The following SCAP variants were observed in gnomAD, a reference collection of about 807,000 sequenced individuals.
The protein encoded by SCAP is sterol regulatory element-binding protein cleavage-activating protein.
SCAP carries 65 observed loss-of-function variants against 123.6 expected under a neutral mutation model. The observed-to-expected ratio is 0.53, with a 90% CI of 0.43 to 0.65. The LOEUF is 0.65. SCAP is among the 30% of genes least tolerant of loss of function. The probability of loss-of-function intolerance (pLI) is 0.00; values close to 1 mark genes in which losing one functional copy is unlikely to be tolerated. For synonymous variants in SCAP, 740 were observed against 726.3 expected (o/e 1.02, Z -0.30); for missense variants, 1,398 against 1,712.5 (o/e 0.82, Z 3.24).
intron 1 of SCAP, among the ~76,000 whole-genome samples, chr3:47,466,023 C>G (rs562408698): frequency 6.6e-6 from 1 of 151,162 alleles, no homozygotes; most frequent in Non-Finnish European, 1.5e-5. Context: ...ATATCAACTA[C>G]TCAGGAGGCT....
chr3:47,449,307 G>C (rs1413999623), intron 1 of SCAP, among the ~76,000 whole-genome samples: 1 of 123,340 alleles, frequency 8.1e-6, no homozygotes, highest in Non-Finnish European at 1.8e-5. Flanking sequence ...AGATCCCAAG[G>C]GCCCCTTTCC....
intron 1 of SCAP, among the ~76,000 whole-genome samples, chr3:47,444,339 T>C (rs137941299): frequency 1.3e-5 from 2 of 152,246 alleles, no homozygotes; most frequent in Admixed American, 6.5e-5. Context: ...TGACTCCTCA[T>C]AAGTGTCAAG....
At chr3:47,440,719 A>AG (rs1212436870) in intron 2 of SCAP, among the ~76,000 whole-genome samples, 1 of 152,046 alleles carries the variant, frequency 6.6e-6, no homozygotes, top group African/African-American at 2.4e-5. Flanking sequence ...AAATACAAAA[A>AG]ATTAGTGGTG....
At chr3:47,450,903 T>C (rs1230025749) in intron 1 of SCAP, among the ~76,000 whole-genome samples, 1 of 123,712 alleles carries the variant, frequency 8.1e-6, no homozygotes, top group Non-Finnish European at 1.8e-5. Context: ...CAGGCTGGGG[T>C]ACAGTGGCAC....
intron 7 of SCAP, 119 bp from the exon 8 acceptor site, chr3:47,425,730 G>A (rs1706099502): frequency 1.7e-6 from 2 of 1,149,256 alleles, no homozygotes; most frequent in Admixed American, 4.4e-5. Context: ...TTCACCAAAG[G>A]AAAGGGACAG....
chr3:47,422,046 T>C (rs1576259033), intron 10 of SCAP, among the ~76,000 whole-genome samples: 1 of 152,262 alleles, frequency 6.6e-6, no homozygotes, highest in East Asian at 1.9e-4. Flanking sequence ...AGGAAGGGTC[T>C]AGGAACCCCA....
chr3:47,425,919 C>T, intron 7 of SCAP, 78 bp downstream of exon 7: 2 of 1,525,468 alleles, frequency 1.3e-6, no homozygotes, highest in South Asian at 2.4e-5. Context: ...AAGCCACCTC[C>T]AGAGCCAGGG....
intron 2 of SCAP, 35 bp downstream of exon 2, chr3:47,442,837 T>C: frequency 1.3e-6 from 2 of 1,595,626 alleles, no homozygotes; most frequent in Non-Finnish European, 1.7e-6. Context: ...CCTAAGACAC[T>C]GGCCCACCAT....
At position 47,439,044 on chromosome 3, in the gene SCAP, G is replaced by GC. The variant is rs1344583397; in HGVS notation, c.122+3827_122+3828insG. Among the ~76,000 whole-genome samples the GC allele has an allele frequency of 1.3e-5, 2 of 152,150 alleles. No homozygotes were observed. The highest frequency in any genetic ancestry group is 4.8e-5 in the African/African-American group (2 of 41,422). ...CTATTCTAAGCACTTGATATGTACA[G>GC]ATACATCTTGACTTACGATGGGGTT... On this transcript the variant is annotated intron_variant, in intron 2 of 22. Coordinates refer to ENST00000265565, the MANE Select transcript of SCAP (RefSeq NM_012235.4). This position sits in a 1 kb window ranked among gnomAD's most constrained non-coding sequence, Gnocchi z 4.0.
intron 1 of SCAP, among the ~76,000 whole-genome samples, chr3:47,475,268 C>T (rs533055979): frequency 2.0e-5 from 3 of 152,290 alleles, no homozygotes; most frequent in African/African-American, 4.8e-5. Flanking sequence ...CGGTTAAATA[C>T]TGAGGTCATA....
At chr3:47,428,701 G>A in intron 3 of SCAP, 31 bp from the exon 4 acceptor site, 1 of 1,610,472 alleles carries the variant, frequency 6.2e-7, no homozygotes, top group Non-Finnish European at 8.5e-7. Context: ...GGCAGAAAGG[G>A]CAGCTGAGCA....
At position 47,450,447 on chromosome 3, in the gene SCAP, AAGG is replaced by A. The variant is rs1162889982; in HGVS notation, c.-98-7359_-98-7357del. On this transcript the variant is annotated intron_variant, in intron 1 of 22. Transcript: ENST00000265565. ...AAAATTATATACAAAAAGTGCACAAAAGGAGAATAGAGGGAAACGTTAGTAGTG... is the reference window on the plus strand; with the variant it reads ...AAAATTATATACAAAAAGTGCACAAAAGAATAGAGGGAAACGTTAGTAGTG... Among the ~76,000 whole-genome samples the A allele has an allele frequency of 2.7e-4, 34 of 124,754 alleles. 10 individuals are homozygous for A. In the Admixed American group the frequency reaches 2.7e-3, roughly 10 times the overall value. 81.8% of individuals were successfully genotyped at this position (124,754 alleles called of 152,430 possible). A position where few individuals can be genotyped will look rare whatever the true frequency, so the allele number is the denominator to read the frequency against.
chr3:47,475,259 G>C (rs117238604), intron 1 of SCAP, among the ~76,000 whole-genome samples: 1 of 152,184 alleles, frequency 6.6e-6, no homozygotes, highest in East Asian at 1.9e-4. Context: ...ATTATAAGCC[G>C]GTTAAATACT....
At chr3:47,447,356 G>C (rs779581415) in intron 1 of SCAP, among the ~76,000 whole-genome samples, 2 of 151,932 alleles carry the variant, frequency 1.3e-5, no homozygotes, top group Non-Finnish European at 2.9e-5. Context: ...TCACGCCACT[G>C]CACTCCAGCC....
intron 2 of SCAP, among the ~76,000 whole-genome samples, chr3:47,437,231 G>C (rs2107881196): frequency 6.6e-6 from 1 of 151,952 alleles, no homozygotes; most frequent in Non-Finnish European, 1.5e-5. Context: ...CCTGAGATCG[G>C]GAGATCGAGA....
chr3:47,429,935 G>A (rs767057163), intron 3 of SCAP, among the ~76,000 whole-genome samples: 5 of 152,156 alleles, frequency 3.3e-5, no homozygotes, highest in Non-Finnish European at 5.9e-5. Context: ...GCAGAGTAGC[G>A]GGTTTTGAAG....
At chr3:47,430,968 T>C (rs1706333389) in intron 3 of SCAP, among the ~76,000 whole-genome samples, 1 of 152,316 alleles carries the variant, frequency 6.6e-6, no homozygotes, top group Non-Finnish European at 1.5e-5. Flanking sequence ...TAATGCCTCC[T>C]GGGACCCTGG....
At chr3:47,428,402 T>C (rs534387966) in intron 4 of SCAP, 111 bp downstream of exon 4, 1 of 1,149,694 alleles carries the variant, frequency 8.7e-7, no homozygotes, top group Non-Finnish European at 1.2e-6. Flanking sequence ...TCCTTCTTGC[T>C]TGTTCTATCT....
chr3:47,423,692 C>G (rs1270017907), intron 9 of SCAP, among the ~76,000 whole-genome samples: 1 of 152,232 alleles, frequency 6.6e-6, no homozygotes, highest in African/African-American at 2.4e-5. Flanking sequence ...TGGCACCCAG[C>G]CTGGTTTACT....
Sources: gnomAD v4.1 joint callset for allele counts (sites outside exome capture counted in the v4.1 genomes callset) on GRCh38, gnomAD v4.1.1 for gene constraint, Gnocchi (gnomAD v3.1) non-coding constraint, MANE v1.5 for transcripts, NCBI Gene and HGNC (gene_info 2026-07-23, HGNC 2026-07-21) for gene names.